SLC39A11: variants seen among roughly 807,000 people sequenced by gnomAD.
The protein encoded by SLC39A11 is zinc transporter ZIP11.
Under a neutral mutation model 36.1 loss-of-function variants are expected in SLC39A11, and 33 were observed. The ratio of observed to expected loss-of-function variants is 0.91; its 90% CI spans 0.69 to 1.22. The LOEUF is 1.22. SLC39A11 is among the 50% of genes most tolerant of loss of function. The pLI, the probability that SLC39A11 is intolerant of heterozygous loss-of-function variation, is 0.00. For synonymous variants in SLC39A11, 166 were observed against 170.3 expected, an observed-to-expected ratio of 0.97 and a Z score of 0.20; for missense variants, 432 against 430.3, an observed-to-expected ratio of 1.00 and a Z score of -0.03.
chr17:73,088,647 G>A lies in SLC39A11; in HGVS notation c.108+10C>T. The A allele has an allele frequency of 6.2e-7, 1 of 1,607,312 alleles. No homozygotes were observed. The highest frequency in any genetic ancestry group is 2.2e-5 in the East Asian group (1 of 44,516). On this transcript the variant is annotated intron_variant, in intron 2 of 9. Transcript: ENST00000255559. ...CCACCAACATCCAGAACCAAAGCAA[G>A]GCAACTCACCTGTCCACTAGAGAAT... is the stretch of plus-strand genomic sequence containing the variant.
intron 5 of SLC39A11, among the ~76,000 whole-genome samples, chr17:72,852,972 AG>A (rs2079437734): frequency 6.6e-6 from 1 of 152,088 alleles, no homozygotes; most frequent in Admixed American, 6.6e-5. Flanking sequence ...GAGAGTTGAT[AG>A]GGGCCAAAAG....
intron 4 of SLC39A11, among the ~76,000 whole-genome samples, chr17:72,951,260 G>GAA (rs2085841791): frequency 1.8e-5 from 1 of 56,562 alleles, no homozygotes. Flanking sequence ...TGACCCTGTT[G>GAA]CAAAAAAAAA....
At chr17:72,951,302 G>A (rs2085849092) in intron 4 of SLC39A11, among the ~76,000 whole-genome samples, 1 of 148,814 alleles carries the variant, frequency 6.7e-6, no homozygotes, top group Admixed American at 6.7e-5. Flanking sequence ...CAATAGTGCT[G>A]AGCTTCAGAT....
chr17:72,688,073 T>C (rs1345528581), intron 7 of SLC39A11, among the ~76,000 whole-genome samples: 1 of 152,184 alleles, frequency 6.6e-6, no homozygotes, highest in African/African-American at 2.4e-5. Flanking sequence ...CCACTTGAGC[T>C]GACTGTCAAA....
rs1431881480 is a variant in SLC39A11, at chr17:72,647,494, T to C, written c.*90A>G. 2.8e-6 allele frequency: 3 copies of C among 1,060,846 alleles called. No homozygotes were observed. The highest frequency in any genetic ancestry group is 2.6e-5 in the East Asian group (1 of 38,612). The allele number at this position is 1,060,846 out of a possible 1,614,324, so 65.7% of individuals were successfully genotyped here. ...AAGAAGAGAGGAAGGAAAAAAGTTT[T>C]AATGTGAAGAAAGAAGCTTGTTGTC... is the stretch of plus-strand genomic sequence containing the variant. On this transcript the variant is annotated 3_prime_UTR_variant, in exon 10 of 10. Transcript: ENST00000255559.
intron 5 of SLC39A11, among the ~76,000 whole-genome samples, chr17:72,893,201 G>A (rs562287501): frequency 1.1e-4 from 16 of 152,322 alleles, no homozygotes; most frequent in African/African-American, 3.1e-4. Context: ...GGTGATTCAC[G>A]CCTGTAATCC....
intron 7 of SLC39A11, among the ~76,000 whole-genome samples, chr17:72,682,611 G>T (rs1226461821): frequency 6.6e-6 from 1 of 152,134 alleles, no homozygotes; most frequent in Non-Finnish European, 1.5e-5. Flanking sequence ...AGGTGGTTTT[G>T]AACTTCTTCC....
intron 5 of SLC39A11, among the ~76,000 whole-genome samples, chr17:72,854,101 T>G (rs1003294714): frequency 6.6e-6 from 1 of 152,158 alleles, no homozygotes; most frequent in Non-Finnish European, 1.5e-5. Context: ...TATTGGGAAC[T>G]TATCTTCAAT....
At chr17:72,911,915 A>G (rs75049120) in intron 5 of SLC39A11, among the ~76,000 whole-genome samples, 77,379 of 151,652 alleles carry the variant, frequency 0.51, 19,689 homozygotes, top group African/African-American at 0.53. Flanking sequence ...AAGTGCTGGG[A>G]TTACAGGCGT....
chr17:72,699,114 C>CCA lies in SLC39A11; in HGVS notation c.671+37534_671+37535dup, dbSNP rs772391985. ...AAAGTGCTGGGATTACAGGGGTGAG[C>CCA]CACAGCGCCTGGCCGGAGGTTGGTT... On this transcript the variant is annotated intron_variant, in intron 7 of 9. Transcript: ENST00000255559. Among the ~76,000 whole-genome samples the CCA allele has an allele frequency of 1.0e-3, 152 of 152,218 alleles. 2 individuals carry two copies. The highest frequency in any genetic ancestry group is 8.5e-4 in the Non-Finnish European group (58 of 68,008).
At chr17:72,964,999 A>G (rs1462793168) in intron 4 of SLC39A11, among the ~76,000 whole-genome samples, 1 of 152,118 alleles carries the variant, frequency 6.6e-6, no homozygotes, top group East Asian at 1.9e-4. Flanking sequence ...AACTATCACA[A>G]GGACAAAAAA....
At chr17:72,898,287 G>A (rs1289015200) in intron 5 of SLC39A11, among the ~76,000 whole-genome samples, 1 of 152,210 alleles carries the variant, frequency 6.6e-6, no homozygotes, top group Non-Finnish European at 1.5e-5. Flanking sequence ...TCCTCAAGGG[G>A]CTGGAGCATC....
At chr17:72,886,210 C>A (rs576899047) in intron 5 of SLC39A11, among the ~76,000 whole-genome samples, 1 of 152,296 alleles carries the variant, frequency 6.6e-6, no homozygotes, top group South Asian at 2.1e-4. Flanking sequence ...TACACAGGCT[C>A]CCCTGGGCAA....
chr17:72,857,492 T>C (rs1472908598), intron 5 of SLC39A11, among the ~76,000 whole-genome samples: 4 of 152,338 alleles, frequency 2.6e-5, no homozygotes, highest in African/African-American at 9.6e-5. Context: ...CCTTTGGGTA[T>C]AAACCCAGTA....
intron 7 of SLC39A11, among the ~76,000 whole-genome samples, chr17:72,653,281 G>A (rs1481194029): frequency 6.8e-6 from 1 of 147,110 alleles, no homozygotes; most frequent in East Asian, 2.0e-4. Flanking sequence ...TTTTTTTTTT[G>A]TATTTTTAGC....
At chr17:72,784,326 G>A (rs1353459317) in intron 6 of SLC39A11, among the ~76,000 whole-genome samples, 3 of 152,098 alleles carry the variant, frequency 2.0e-5, no homozygotes. Flanking sequence ...GCCTGGGCAA[G>A]AGAGAGAGAC....
intron 6 of SLC39A11, among the ~76,000 whole-genome samples, chr17:72,739,440 C>A (rs190124299): frequency 1.6e-4 from 25 of 152,266 alleles, no homozygotes; most frequent in African/African-American, 5.3e-4. Context: ...ATTTGGGATT[C>A]TGATTCCCTA....
At chr17:72,704,315 G>A (rs984940373) in intron 7 of SLC39A11, among the ~76,000 whole-genome samples, 2 of 152,304 alleles carry the variant, frequency 1.3e-5, no homozygotes, top group Admixed American at 6.5e-5. Flanking sequence ...TCAAGACTAT[G>A]TAGCTAGTAA....
rs139421340 is a variant in SLC39A11, at chr17:73,008,967, C to T, written c.306+22589G>A. Among the ~76,000 whole-genome samples the T allele has an allele frequency of 1.6e-4, 24 of 148,872 alleles. No individual in the cohort carries two copies. The East Asian group carries it at 4.6e-3, about 29-fold the overall frequency. On this transcript the variant is annotated intron_variant, in intron 4 of 9. Coordinates refer to ENST00000255559, the MANE Select transcript of SLC39A11 (RefSeq NM_139177.4). ...TCCCAGCTACTCAGGAGGCTAAGGC[C>T]GGTGGATCAGTTGAGCCTGGGGCCC... is the stretch of plus-strand genomic sequence containing the variant.
Sources: gnomAD v4.1 joint callset for allele counts (sites outside exome capture counted in the v4.1 genomes callset) on GRCh38, gnomAD v4.1.1 for gene constraint, MANE v1.5 for transcripts, NCBI Gene and HGNC (gene_info 2026-07-23, HGNC 2026-07-21) for gene names.